DSCAM: variants seen among roughly 807,000 people sequenced by gnomAD.
The protein encoded by DSCAM is cell adhesion molecule DSCAM.
A neutral mutation model predicts 217.7 loss-of-function variants in DSCAM; 47 were observed. The observed-to-expected ratio is 0.22, with a 90% confidence interval of 0.17 to 0.28. DSCAM has a LOEUF of 0.28. Among genes scored for constraint, DSCAM ranks in the 10% least tolerant of loss-of-function variants. The pLI, the probability that DSCAM is intolerant of heterozygous loss-of-function variation, is 1.00. For missense variants in DSCAM, 2,080 were observed against 2,618.3 expected, an observed-to-expected ratio of 0.79 and a Z score of 4.49; for synonymous variants, 1,056 against 1,015.3, an observed-to-expected ratio of 1.04 and a Z score of -0.76.
At chr21:40,718,957 C>T (rs769036901) in intron 1 of DSCAM, among the ~76,000 whole-genome samples, 3 of 152,032 alleles carry the variant, frequency 2.0e-5, no homozygotes, top group Non-Finnish European at 4.4e-5. Flanking sequence ...AAGACTCTCT[C>T]TACCAAAAAT....
At chr21:40,401,875 C>T (rs1029393787) in intron 3 of DSCAM, among the ~76,000 whole-genome samples, 1 of 151,952 alleles carries the variant, frequency 6.6e-6, no homozygotes, top group Non-Finnish European at 1.5e-5. Context: ...AGCTCTCCTT[C>T]CTCTTTCTCC....
At chr21:40,401,749 C>T (rs1661359940) in intron 3 of DSCAM, among the ~76,000 whole-genome samples, 1 of 150,116 alleles carries the variant, frequency 6.7e-6, no homozygotes, top group African/African-American at 2.5e-5. Context: ...AGCCATGTTC[C>T]CACCAGGGTC....
intron 20 of DSCAM, among the ~76,000 whole-genome samples, chr21:40,096,236 T>C (rs1216423273): frequency 6.6e-6 from 1 of 152,074 alleles, no homozygotes; most frequent in Non-Finnish European, 1.5e-5. Context: ...CCTCCCCACT[T>C]TGAGTTGTCC....
At chr21:40,311,933 ATTT>A (rs34579385) in intron 9 of DSCAM, 145 bp downstream of exon 9, 7,273 of 201,674 alleles carry the variant, frequency 0.036, 278 homozygotes, top group African/African-American at 0.2. Flanking sequence ...TTAGAGTCGT[ATTT>A]TTTTTTTTTT....
At chr21:40,093,368 T>C (rs978011158) in intron 21 of DSCAM, among the ~76,000 whole-genome samples, 7 of 152,228 alleles carry the variant, frequency 4.6e-5, no homozygotes, top group Admixed American at 4.6e-4. Flanking sequence ...AATAGACATT[T>C]CTCATTAAGA....
intron 3 of DSCAM, among the ~76,000 whole-genome samples, chr21:40,518,666 GTGTA>G (rs1371289818): frequency 1.5e-5 from 2 of 132,324 alleles, no homozygotes; most frequent in East Asian, 2.3e-4. Flanking sequence ...GTATATATAT[GTGTA>G]TGTGTGTGTA....
chr21:40,754,979 C>T (rs1449350208), intron 1 of DSCAM, among the ~76,000 whole-genome samples: 1 of 152,182 alleles, frequency 6.6e-6, no homozygotes, highest in Non-Finnish European at 1.5e-5. Context: ...CCAAAGCCTC[C>T]TTCTGCATTA....
chr21:40,234,678 C>T (rs531358548), intron 11 of DSCAM, among the ~76,000 whole-genome samples: 1 of 152,292 alleles, frequency 6.6e-6, no homozygotes, highest in South Asian at 2.1e-4. Flanking sequence ...TTTCTGCAGT[C>T]ACATGGTCTC....
chr21:40,824,013 T>C (rs2091949061), intron 1 of DSCAM, among the ~76,000 whole-genome samples: 2 of 151,762 alleles, frequency 1.3e-5, no homozygotes, highest in Admixed American at 1.3e-4. Flanking sequence ...GGCTATAAAA[T>C]CTATCCACAG....
chr21:40,087,184 T>C lies in DSCAM; in HGVS notation c.3954A>G (p.Lys1318=), dbSNP rs753941589. 63 of 1,613,224 alleles carry C rather than the reference T, an allele frequency of 3.9e-5. No homozygotes were observed. Among genetic ancestry groups the C allele is most frequent in the Middle Eastern group, 1.6e-4 (1 of 6,080 alleles). ...TTACTGGTTACCTGTCTTTCATCCA[T>C]TTGACTGCAGGAGAAGGGTCCCCAA... is the stretch of plus-strand genomic sequence containing the variant. ...KAVGDPSPAV[K]WMKDSNGTPS... is the part of the protein sequence containing the mutation. The change falls in exon 22 of 33, where the codon AAA becomes AAG. Residue 1318 remains lysine, a synonymous_variant. Transcript: ENST00000400454.
At chr21:40,099,730 C>T (rs1376482137) in intron 20 of DSCAM, among the ~76,000 whole-genome samples, 2 of 152,202 alleles carry the variant, frequency 1.3e-5, no homozygotes, top group Non-Finnish European at 2.9e-5. Flanking sequence ...GCTGTGAGGC[C>T]ACCTGGGCAG....
rs936391326 is a variant in DSCAM, at chr21:40,563,770, G to A, written c.508+129040C>T. Among the ~76,000 whole-genome samples, 12 of 118,920 alleles carry A rather than the reference G, an allele frequency of 1.0e-4. No individual in the cohort carries two copies. In the East Asian group the frequency reaches 3.0e-3, roughly 30 times the overall value. The allele number at this position is 118,920 out of a possible 152,430, so 78.0% of individuals were successfully genotyped here. A position where few individuals can be genotyped will look rare whatever the true frequency, so the allele number is the denominator to read the frequency against. ...GTTATATGTTTATATATGTTTGTAT[G>A]TTTATATATATGTTTATATGTTTAT... On this transcript the variant is annotated intron_variant, in intron 3 of 32. Transcript: ENST00000400454.
chr21:40,150,634 A>G (rs1042863572), intron 16 of DSCAM, among the ~76,000 whole-genome samples: 1 of 152,238 alleles, frequency 6.6e-6, no homozygotes, highest in African/African-American at 2.4e-5. Flanking sequence ...AGGTGTGCTT[A>G]GTGGAGACAC....
chr21:40,133,846 TC>T lies in DSCAM; in HGVS notation c.3562+7del, dbSNP rs765028519. 14 of 1,596,092 alleles carry T rather than the reference TC, an allele frequency of 8.8e-6. No individual in the cohort carries two copies. The South Asian group carries it at 1.6e-4, about 18-fold the overall frequency. ...ACTGCTGGGACCCACCGCCCACCCG[TC>T]TCTCACCATCCTCTTTGGTCCGGGT... On this transcript the variant is annotated splice_region_variant and intron_variant, in intron 19 of 32. Coordinates refer to ENST00000400454, the MANE Select transcript of DSCAM (RefSeq NM_001389.5).
chr21:40,038,911 G>T (rs62235625), intron 32 of DSCAM, among the ~76,000 whole-genome samples: 2 of 150,068 alleles, frequency 1.3e-5, no homozygotes, highest in African/African-American at 2.5e-5. Flanking sequence ...GTAAACTATC[G>T]CAAGAACAAA....
intron 3 of DSCAM, among the ~76,000 whole-genome samples, chr21:40,535,837 T>C (rs1008787023): frequency 3.3e-5 from 5 of 152,206 alleles, no homozygotes; most frequent in African/African-American, 9.6e-5. Flanking sequence ...GAGAGATGTC[T>C]AGGTCCAACC....
intron 1 of DSCAM, among the ~76,000 whole-genome samples, chr21:40,730,111 C>T (rs1208125839): frequency 1.3e-5 from 2 of 152,160 alleles, no homozygotes; most frequent in Non-Finnish European, 2.9e-5. Context: ...ACTCAGGTCT[C>T]TTTCCTTCTA....
chr21:40,628,147 A>G (rs1437582249), intron 3 of DSCAM, among the ~76,000 whole-genome samples: 6 of 152,210 alleles, frequency 3.9e-5, no homozygotes, highest in Non-Finnish European at 8.8e-5. Flanking sequence ...AAATGAGCAA[A>G]TATATTGGAA....
chr21:40,051,399 T>A (rs935941016), intron 30 of DSCAM, among the ~76,000 whole-genome samples: 2 of 152,258 alleles, frequency 1.3e-5, no homozygotes, highest in Admixed American at 1.3e-4. Context: ...TTAACTAGAA[T>A]TATAATTTTT....
Sources: allele counts gnomAD v4.1 joint callset (sites outside exome capture counted in the v4.1 genomes callset), GRCh38; gene constraint gnomAD v4.1.1; transcripts MANE v1.5; gene names NCBI Gene and HGNC (gene_info 2026-07-23, HGNC 2026-07-21).